Variants in GSE1 observed in about 807,000 individuals in gnomAD.
The protein encoded by GSE1 is Gse1 coiled-coil protein.
A neutral mutation model predicts 112.6 loss-of-function variants in GSE1; 32 were observed. The observed-to-expected ratio is 0.28, with a 90% CI of 0.21 to 0.38. The LOEUF is 0.38. Ranked by LOEUF, GSE1 falls within the 10% of genes least tolerant of loss-of-function variation. The probability of loss-of-function intolerance (pLI) is 1.00; values close to 1 mark genes in which losing one functional copy is unlikely to be tolerated. For missense variants in GSE1, 2,348 were observed against 1,699.2 expected, an observed-to-expected ratio of 1.38 and a Z score of -6.71; for synonymous variants, 1,115 against 735.6, an observed-to-expected ratio of 1.52 and a Z score of -8.35.
intron 1 of GSE1, among the ~76,000 whole-genome samples, chr16:85,206,140 C>T (rs917191288): frequency 1.4e-5 from 2 of 145,570 alleles, no homozygotes; most frequent in African/African-American, 5.2e-5. Flanking sequence ...CAGTTCTGAA[C>T]GATAAGGGGG....
intron 2 of GSE1, among the ~76,000 whole-genome samples, chr16:85,385,308 C>CA (rs1238047199): frequency 1.3e-5 from 2 of 152,220 alleles, no homozygotes; most frequent in Non-Finnish European, 2.9e-5. Context: ...GGGCTCCTCT[C>CA]AACTGCCCCT....
Position 85,656,415 on chromosome 16 carries a change from C to G in GSE1, c.1062C>G (p.Asp354Glu), listed in dbSNP as rs1489561698. Residue 354 changes from aspartate (D) to glutamate (E), a missense_variant, in exon 7 of 16, where the codon GAC becomes GAG. Coordinates refer to ENST00000253458, the MANE Select transcript of GSE1 (RefSeq NM_014615.5). ...AGCGCGAGCGTGAGCGTGAGGCTGA[C>G]CGCGAGCGGGAGAAGGAACGTGAGC... ...EREREREREA[D>E]REREKERERE... 5 of 1,569,180 alleles carry G rather than the reference C, an allele frequency of 3.2e-6. No homozygotes were observed. Among genetic ancestry groups the G allele is most frequent in the African/African-American group, 2.8e-5 (2 of 71,264 alleles).
intron 1 of GSE1, among the ~76,000 whole-genome samples, chr16:85,304,164 T>A (rs2045601613): frequency 1.3e-5 from 2 of 152,146 alleles, no homozygotes; most frequent in African/African-American, 4.8e-5. Context: ...TGCCAGGGAA[T>A]ACAGAGCAAA....
chr16:85,409,371 A>G (rs1455323004), intron 2 of GSE1, among the ~76,000 whole-genome samples: 2 of 24,190 alleles, frequency 8.3e-5, no homozygotes, highest in Non-Finnish European at 1.6e-4. Flanking sequence ...TGTTACACTC[A>G]GGCCCCCTGG....
chr16:85,436,988 C>T lies in GSE1; in HGVS notation c.2464+79345C>T, dbSNP rs2049261890. ...GGGGAGGTTACCGTCGAGGTCGACG[C>T]GGCGGAGCCCGGGCAGAGGCCTACT... On this transcript the variant is annotated intron_variant, in intron 2 of 2. Coordinates refer to the GSE1 transcript ENST00000637419. 3.3e-5 allele frequency among the ~76,000 whole-genome samples: 5 copies of T among 152,282 alleles called. No individual in the cohort carries two copies. The East Asian group carries it at 9.7e-4, about 29-fold the overall frequency.
At chr16:85,625,236 C>G (rs905525777) in intron 1 of GSE1, among the ~76,000 whole-genome samples, 2 of 152,204 alleles carry the variant, frequency 1.3e-5, no homozygotes, top group African/African-American at 2.4e-5. Flanking sequence ...TGCTTCTCCG[C>G]ACACACAGCA....
rs150494589 is a variant in GSE1, at chr16:85,478,254, C to T, written c.2464+120611C>T. ...ATATTCCATGGCATGGGGCCAGGCA[C>T]GGTGGCTCATGCCTGTCATCGCAGC... On this transcript the variant is annotated intron_variant, in intron 2 of 2. Transcript: ENST00000637419. 4.1e-3 allele frequency among the ~76,000 whole-genome samples: 623 copies of T among 152,192 alleles called. 4 individuals carry two copies. The highest frequency in any genetic ancestry group is 0.014 in the African/African-American group (589 of 41,532).
intron 2 of GSE1, among the ~76,000 whole-genome samples, chr16:85,371,230 G>A (rs567422059): frequency 6.6e-6 from 1 of 152,338 alleles, no homozygotes; most frequent in African/African-American, 2.4e-5. Context: ...GCTGGGCCAG[G>A]CAGTGCTCAT....
intron 1 of GSE1, among the ~76,000 whole-genome samples, chr16:85,604,974 C>T (rs1179215016): frequency 2.1e-5 from 3 of 144,268 alleles, no homozygotes; most frequent in Non-Finnish European, 3.0e-5. Context: ...CCCTCCACCA[C>T]GCCCGGCTAG....
chr16:85,647,059 G>A (rs1033589156), intron 2 of GSE1, among the ~76,000 whole-genome samples: 2 of 152,198 alleles, frequency 1.3e-5, no homozygotes, highest in African/African-American at 4.8e-5. Context: ...GTCTGAGAAG[G>A]CAGTTTTGCT....
At chr16:85,213,962 G>A (rs567234836) in intron 1 of GSE1, among the ~76,000 whole-genome samples, 1 of 152,348 alleles carries the variant, frequency 6.6e-6, no homozygotes, top group African/African-American at 2.4e-5. Flanking sequence ...GCTTCCATGA[G>A]ACAGAGAAAA....
At chr16:85,390,683 C>T (rs1052498136) in intron 2 of GSE1, among the ~76,000 whole-genome samples, 3 of 90,500 alleles carry the variant, frequency 3.3e-5, no homozygotes, top group Admixed American at 2.1e-4. Context: ...CCGCCTTGTC[C>T]CCCCCACCGC....
exon 1 of GSE1, chr16:85,171,589 C>A (rs908219619): frequency 1.8e-4 from 173 of 985,460 alleles, no homozygotes; most frequent in Non-Finnish European, 2.0e-4. Context: ...CTTTTGTCAG[C>A]AGGAGAAGAA....
chr16:85,289,962 C>T (rs2045158390), intron 1 of GSE1, among the ~76,000 whole-genome samples: 1 of 152,180 alleles, frequency 6.6e-6, no homozygotes, highest in Non-Finnish European at 1.5e-5. Flanking sequence ...CAGGAATTTG[C>T]ATTTTTTAAC....
At position 85,545,865 on chromosome 16, in the gene GSE1, C is replaced by T. The variant is rs563144411; in HGVS notation, c.2465-88049C>T. ...TGGCGTGATCTCGGCTCACTGCAAG[C>T]TCCGCCTCCCGGGTTCACGCCATTC... On this transcript the variant is annotated intron_variant, in intron 2 of 2. Transcript: ENST00000637419. Among the ~76,000 whole-genome samples, 3 of 151,758 alleles carry T rather than the reference C, an allele frequency of 2.0e-5. No homozygotes were observed. The East Asian group carries it at 5.9e-4, about 30-fold the overall frequency.
intron 2 of GSE1, among the ~76,000 whole-genome samples, chr16:85,496,514 G>A (rs75692326): frequency 0.072 from 10,901 of 152,260 alleles, 744 homozygotes; most frequent in East Asian, 0.35. Context: ...TCGGTGCGGC[G>A]TGTCTGCGGA....
In GSE1 at chr16:85,242,166, G is replaced by A. The variant is rs117731881; in HGVS notation, c.2283+70359G>A. Among the ~76,000 whole-genome samples the A allele has an allele frequency of 9.4e-3, 1,437 of 152,298 alleles. 11 individuals are homozygous for A. Among genetic ancestry groups the A allele is most frequent in the Non-Finnish European group, 0.015 (1,006 of 68,010 alleles). On this transcript the variant is annotated intron_variant, in intron 1 of 2. Coordinates refer to the GSE1 transcript ENST00000637419. Reference sequence around the variant, plus strand: ...CAGGCATCTCGCCCTGTGGATGCCTGCAGAGGCCCTCGCTTCCTCTCCTGG... The same window carrying A: ...CAGGCATCTCGCCCTGTGGATGCCTACAGAGGCCCTCGCTTCCTCTCCTGG...
At chr16:85,514,437 A>G (rs56174128) in intron 2 of GSE1, among the ~76,000 whole-genome samples, 4,081 of 43,170 alleles carry the variant, frequency 0.095, 367 homozygotes, top group African/African-American at 0.32. Flanking sequence ...CCCCCCCCCC[A>G]CCCCAGGGCA....
chr16:85,575,436 C>T (rs886867068), intron 1 of GSE1, among the ~76,000 whole-genome samples: 4 of 152,218 alleles, frequency 2.6e-5, no homozygotes, highest in African/African-American at 4.8e-5. Flanking sequence ...CTCCTTGCTT[C>T]GCTCTGGTGC....
Sources: allele counts gnomAD v4.1 joint callset (sites outside exome capture counted in the v4.1 genomes callset), GRCh38; gene constraint gnomAD v4.1.1; transcripts MANE v1.5; gene names NCBI Gene and HGNC (gene_info 2026-07-23, HGNC 2026-07-21).